The following TSGA10 variants were observed in gnomAD, a reference collection of about 807,000 sequenced individuals.
TSGA10 encodes the protein testis-specific gene 10 protein.
Under a neutral mutation model 96.6 loss-of-function variants are expected in TSGA10, and 43 were observed. That is an observed-to-expected ratio of 0.44 (90% CI 0.35 to 0.57). The LOEUF (loss-of-function observed/expected upper bound fraction) is 0.57, where lower values mean the gene tolerates loss of function less well. TSGA10 is among the 20% of genes least tolerant of loss of function. The pLI, the probability that TSGA10 is intolerant of heterozygous loss-of-function variation, is 0.01. For missense variants in TSGA10, 703 were observed against 834.4 expected (o/e 0.84, Z 1.94); for synonymous variants, 229 against 269.9 (o/e 0.85, Z 1.48).
At position 99,039,300 on chromosome 2, in the gene TSGA10, G is replaced by C. The variant is rs542593639; in HGVS notation, c.1405-3861C>G. On this transcript the variant is annotated intron_variant, in intron 16 of 20. Coordinates refer to ENST00000393483, the MANE Select transcript of TSGA10 (RefSeq NM_025244.4). ...CAAAGATCAGAGCAGAATTAAAATG[G>C]AAACAACCAAAAAAAAAAAAACCAC... 1.9e-4 allele frequency among the ~76,000 whole-genome samples: 26 copies of C among 136,742 alleles called. 1 individual carries two copies. The South Asian group carries it at 5.5e-3, about 29-fold the overall frequency. 89.7% of individuals were successfully genotyped at this position (136,742 alleles called of 152,430 possible). A position where few individuals can be genotyped will look rare whatever the true frequency, so the allele number is the denominator to read the frequency against.
chr2:99,035,277 C>T lies in TSGA10; in HGVS notation c.1567G>A (p.Glu523Lys). Residue 523 changes from glutamate to lysine, a missense_variant, in exon 17 of 21, where the codon GAA becomes AAA. Physicochemically the swap from Glu to Lys is moderately conservative, Grantham distance 56 (BLOSUM62 1). Transcript: ENST00000393483. The stretch of plus-strand genomic sequence containing the variant: ...GCAACCAGCTGTCGATTAAGAAGTT[C>T]TTTGCTTGAGTCAAGTTTAATACAG... ...ELCIKLDSSK[E>K]LLNRQLVAKD... The T allele has an allele frequency of 6.2e-7, 1 of 1,611,920 alleles. No individual in the cohort carries two copies. Among genetic ancestry groups the T allele is most frequent in the Non-Finnish European group, 8.5e-7 (1 of 1,178,802 alleles).
chr2:99,074,099 G>A (rs2086366109), intron 12 of TSGA10, among the ~76,000 whole-genome samples: 2 of 130,786 alleles, frequency 1.5e-5, no homozygotes, highest in South Asian at 2.6e-4. Flanking sequence ...TGCAACCTCC[G>A]CCTCCCAGGT....
chr2:99,025,909 CTTCTT>C (rs1448066230), intron 17 of TSGA10, among the ~76,000 whole-genome samples: 1 of 152,054 alleles, frequency 6.6e-6, no homozygotes, highest in African/African-American at 2.4e-5. Context: ...ACAAAATATT[CTTCTT>C]TTATCAATCC....
In TSGA10 at chr2:99,112,160, C is replaced by T. The variant is rs1051264984; in HGVS notation, c.-139-1245G>A. Among the ~76,000 whole-genome samples the T allele has an allele frequency of 3.3e-5, 5 of 152,066 alleles. No individual in the cohort carries two copies. The East Asian group carries it at 9.6e-4, about 29-fold the overall frequency. On this transcript the variant is annotated intron_variant, in intron 4 of 20. Coordinates refer to ENST00000393483, the MANE Select transcript of TSGA10 (RefSeq NM_025244.4). ...TAACTCAGTGTTTTCACTTACTTAA[C>T]AATTAATGAATGCCTACTACCTGCC...
At chr2:99,110,952 T>A (rs2091754868) in intron 4 of TSGA10, 37 bp from the exon 5 acceptor site, 2 of 562,668 alleles carry the variant, frequency 3.6e-6, no homozygotes, top group South Asian at 7.9e-5. Flanking sequence ...ATTATTTCTA[T>A]TAAAGATGTT....
chr2:99,078,834 G>A (rs1466036439), intron 11 of TSGA10, 21 bp from the exon 12 acceptor site: 1 of 1,577,570 alleles, frequency 6.3e-7, no homozygotes, highest in Non-Finnish European at 8.6e-7. Context: ...AATCATAAAA[G>A]TGTTGTTTTA....
intron 4 of TSGA10, among the ~76,000 whole-genome samples, chr2:99,115,068 G>T (rs1171616801): frequency 6.6e-6 from 1 of 152,102 alleles, no homozygotes; most frequent in Non-Finnish European, 1.5e-5. Flanking sequence ...AAGTAGCTGG[G>T]ATTACAGGCG....
chr2:98,999,909 T>C (rs1352779927), intron 20 of TSGA10, among the ~76,000 whole-genome samples: 1 of 152,136 alleles, frequency 6.6e-6, no homozygotes, highest in Non-Finnish European at 1.5e-5. Context: ...CCACCATATC[T>C]GGCTAATTTT....
intron 10 of TSGA10, chr2:99,102,047 C>T: frequency 6.9e-7 from 1 of 1,444,532 alleles, no homozygotes; most frequent in Non-Finnish European, 9.7e-7. Flanking sequence ...GCCATGTTAA[C>T]AAAAAGGCTT....
At chr2:99,005,989 C>T (rs928328786) in intron 20 of TSGA10, among the ~76,000 whole-genome samples, 239 of 152,252 alleles carry the variant, frequency 1.6e-3, no homozygotes, top group Non-Finnish European at 2.7e-3. Flanking sequence ...AATAATGCCG[C>T]ATATCTACAA....
intron 20 of TSGA10, among the ~76,000 whole-genome samples, chr2:99,014,658 G>A (rs894514465): frequency 7.4e-6 from 1 of 134,444 alleles, no homozygotes; most frequent in African/African-American, 3.2e-5. Context: ...AGAATTAAAT[G>A]AAAATGAGAC....
chr2:99,013,916 A>T (rs140947836), intron 20 of TSGA10, among the ~76,000 whole-genome samples: 1,627 of 151,694 alleles, frequency 0.011, 8 homozygotes, highest in Middle Eastern at 0.024. Context: ...ACTTTGGGAG[A>T]CTGAGGCAGG....
intron 5 of TSGA10, among the ~76,000 whole-genome samples, chr2:99,110,033 C>T (rs561640569): frequency 4.6e-4 from 70 of 152,222 alleles, no homozygotes; most frequent in Middle Eastern, 3.4e-3. Flanking sequence ...GGCATGGTGG[C>T]GTGCACCTGT....
chr2:99,071,752 T>C lies in TSGA10; in HGVS notation c.1061A>G (p.Asn354Ser). Reference sequence around the variant, plus strand: ...AGCAAACTGTTCCTGGAGATTGTCATTGTCATGAGCCAAGATATCTCTTTC... The same window carrying C: ...AGCAAACTGTTCCTGGAGATTGTCACTGTCATGAGCCAAGATATCTCTTTC... ...ARERDILAHD[N>S]DNLQEQFAKA... The change falls in exon 14 of 21, where the codon AAT becomes AGT. Residue 354 changes from asparagine (N) to serine (S), a missense_variant. By Grantham distance (46) the Asn-to-Ser change is conservative. Transcript: ENST00000393483. The C allele has an allele frequency of 6.2e-7, 1 of 1,614,036 alleles. No individual in the cohort carries two copies. Among genetic ancestry groups the C allele is most frequent in the Non-Finnish European group, 8.5e-7 (1 of 1,179,918 alleles).
At chr2:99,038,876 C>T (rs1276069407) in intron 16 of TSGA10, among the ~76,000 whole-genome samples, 1 of 152,038 alleles carries the variant, frequency 6.6e-6, no homozygotes, top group African/African-American at 2.4e-5. Flanking sequence ...CCAAAACAGA[C>T]CATATGATAG....
chr2:99,123,192 T>C (rs2092667324), intron 2 of TSGA10, among the ~76,000 whole-genome samples: 1 of 152,188 alleles, frequency 6.6e-6, no homozygotes, highest in Non-Finnish European at 1.5e-5. Flanking sequence ...AGGATTTTTT[T>C]AGTGTCTTGG....
Position 99,005,325 on chromosome 2 carries a change from T to C in TSGA10, c.2073-7104A>G, listed in dbSNP as rs557089873. Among the ~76,000 whole-genome samples the C allele has an allele frequency of 4.6e-5, 7 of 152,224 alleles. No individual in the cohort carries two copies. In the South Asian group the frequency reaches 1.5e-3, roughly 32 times the overall value. ...GGCAGGAGAAAGAAACAAAGGGTAT[T>C]CAAATAGGAAAAGAGGAAGTCAAAT... On this transcript the variant is annotated intron_variant, in intron 20 of 20. Transcript: ENST00000393483.
At chr2:99,130,247 C>T (rs1461816457) in intron 1 of TSGA10, among the ~76,000 whole-genome samples, 1 of 152,240 alleles carries the variant, frequency 6.6e-6, no homozygotes, top group Non-Finnish European at 1.5e-5. Flanking sequence ...CTCCCACCAA[C>T]AGTGTAAAAG....
At chr2:99,131,478 G>C (rs2105028664) in intron 1 of TSGA10, among the ~76,000 whole-genome samples, 1 of 152,284 alleles carries the variant, frequency 6.6e-6, no homozygotes, top group South Asian at 2.1e-4. Context: ...TTTGCATCCT[G>C]AGACTTTGCT....
Sources: gnomAD v4.1 joint callset for allele counts (sites outside exome capture counted in the v4.1 genomes callset) on GRCh38, gnomAD v4.1.1 for gene constraint, MANE v1.5 for transcripts, NCBI Gene and HGNC (gene_info 2026-07-23, HGNC 2026-07-21) for gene names.